SKI: variants seen among roughly 807,000 people sequenced by gnomAD.
SKI encodes ski oncogene.
A neutral mutation model predicts 59.3 loss-of-function variants in SKI; 23 were observed. The observed-to-expected ratio is 0.39, with a 90% CI of 0.28 to 0.55. The LOEUF is 0.55. Ranked by LOEUF, SKI falls within the 20% of genes least tolerant of loss-of-function variation. SKI has a pLI of 0.67. For synonymous variants in SKI, 673 were observed against 488.6 expected, an observed-to-expected ratio of 1.38 and a Z score of -4.98; for missense variants, 1,017 against 1,038.9, an observed-to-expected ratio of 0.98 and a Z score of 0.29.
intron 1 of SKI, among the ~76,000 whole-genome samples, chr1:2,284,451 C>G (rs774410881): frequency 6.6e-6 from 1 of 152,210 alleles, no homozygotes; most frequent in Non-Finnish European, 1.5e-5. Flanking sequence ...CCTAATTGGG[C>G]AACGGCAGCT....
rs1348805560 is a variant in SKI at position 2,267,184 on chromosome 1, C to G, written c.970-35794C>G. On this transcript the variant is annotated intron_variant, in intron 1 of 6. Transcript: ENST00000378536. This position sits in a 1 kb window ranked among gnomAD's most constrained non-coding sequence, Gnocchi z 4.1. ...GCAACTGCATCGAGCCAGCACTGAA[C>G]TGGTTTTGTAACAAGCTTGGTGTCC... 6.6e-6 allele frequency among the ~76,000 whole-genome samples: 1 copy of G among 152,206 alleles called. No homozygotes were observed. Among genetic ancestry groups the G allele is most frequent in the Non-Finnish European group, 1.5e-5 (1 of 68,036 alleles).
intron 4 of SKI, 81 bp downstream of exon 4, chr1:2,304,183 T>C (rs1205791851): frequency 6.3e-7 from 1 of 1,581,874 alleles, no homozygotes; most frequent in African/African-American, 1.4e-5. Flanking sequence ...TCGCCGGGGG[T>C]GCGTTGGTGG....
rs79186872 is a variant in SKI, at chr1:2,264,787, C to T, written c.969+35052C>T. Among the ~76,000 whole-genome samples, 464 of 152,044 alleles carry T rather than the reference C, an allele frequency of 3.1e-3. 2 individuals are homozygous for T. The highest frequency in any genetic ancestry group is 0.011 in the African/African-American group (443 of 41,478). On this transcript the variant is annotated intron_variant, in intron 1 of 6. Coordinates refer to ENST00000378536, the MANE Select transcript of SKI (RefSeq NM_003036.4). ...AGAGATCTGCTCATCCTCTTCTTGA[C>T]GGACATGCCTCTTCTTTTTTTCTTT...
rs548024321 is a variant in SKI at position 2,310,178 on chromosome 1, A to G, written c.*3413A>G. ...CTGTTAGTCCTTCCCCGACCCCGAA[A>G]CAGATGACATTGTACAATAAAGGAC... On this transcript the variant is annotated 3_prime_UTR_variant, in exon 7 of 7. Transcript: ENST00000378536. The G allele has an allele frequency of 6.6e-6, 1 of 152,142 alleles. No individual in the cohort carries two copies. The highest frequency in any genetic ancestry group is 1.9e-4 in the East Asian group (1 of 5,134). The allele number at this position is 152,142 out of a possible 1,614,324, so 9.4% of individuals were successfully genotyped here.
chr1:2,304,624 G>C, intron 5 of SKI, 39 bp downstream of exon 5: 3 of 1,520,620 alleles, frequency 2.0e-6, no homozygotes, highest in Non-Finnish European at 2.7e-6. Flanking sequence ...CCAGGGCACG[G>C]GCAGTGAGCA....
chr1:2,298,179 T>G (rs1411227024), intron 1 of SKI, among the ~76,000 whole-genome samples: 3 of 152,196 alleles, frequency 2.0e-5, no homozygotes, highest in African/African-American at 7.2e-5. Flanking sequence ...GGCCTCAATG[T>G]CTGTTTCAGC....
Position 2,306,472 on chromosome 1 carries a change from C to A in SKI, c.1999-105C>A, listed in dbSNP as rs1640583693. On this transcript the variant is annotated intron_variant, in intron 6 of 6. Coordinates refer to ENST00000378536, the MANE Select transcript of SKI (RefSeq NM_003036.4). ...GTGGAGGAGGGGCCGGCACGCGGCACTGGGGAGGGACAGGGAGCGGCGCAG... is the reference window on the plus strand; with the variant it reads ...GTGGAGGAGGGGCCGGCACGCGGCAATGGGGAGGGACAGGGAGCGGCGCAG... The A allele has an allele frequency of 2.4e-6, 3 of 1,247,764 alleles. No homozygotes were observed. In the Admixed American group the frequency reaches 6.7e-5, roughly 28 times the overall value. The allele number at this position is 1,247,764 out of a possible 1,614,324, so 77.3% of individuals were successfully genotyped here. A position where few individuals can be genotyped will look rare whatever the true frequency, so the allele number is the denominator to read the frequency against.
At position 2,229,340 on chromosome 1, in the gene SKI, G is replaced by C; in HGVS notation, c.574G>C (p.Gly192Arg). 2 of 1,595,632 alleles carry C rather than the reference G, an allele frequency of 1.3e-6. No individual in the cohort carries two copies. The highest frequency in any genetic ancestry group is 1.7e-6 in the Non-Finnish European group (2 of 1,171,648). The change falls in exon 1 of 7, where the codon GGC (glycine) becomes CGC (arginine). Residue 192 changes from glycine to arginine, a missense_variant. By Grantham distance (125) the Gly-to-Arg change is moderately radical. Transcript: ENST00000378536. The surrounding 1 kb of genome is among the most constrained non-coding windows in gnomAD (Gnocchi z 6.3). ...AERLCNALLY[G>R]GAYPPPCKKE... ...GCGCCTGTGCAACGCGCTGCTCTAC[G>C]GCGGCGCCTACCCGCCGCCCTGCAA...
At chr1:2,241,348 T>C (rs1255773295) in intron 1 of SKI, among the ~76,000 whole-genome samples, 1 of 152,138 alleles carries the variant, frequency 6.6e-6, no homozygotes, top group African/African-American at 2.4e-5. Context: ...AGCTCACTCA[T>C]TTTGTTTCAT....
intron 1 of SKI, among the ~76,000 whole-genome samples, chr1:2,266,384 C>A (rs538509562): frequency 2.6e-5 from 4 of 152,304 alleles, no homozygotes; most frequent in South Asian, 2.1e-4. Flanking sequence ...CTGCTCCGTC[C>A]TGTGAATTCC....
Position 2,245,286 on chromosome 1 carries a change from CG to C in SKI, c.969+15552del, listed in dbSNP as rs1430284568. 5.9e-5 allele frequency among the ~76,000 whole-genome samples: 9 copies of C among 152,194 alleles called. No homozygotes were observed. In the Middle Eastern group the frequency reaches 0.01, roughly 173 times the overall value. ...GTCTCCTTCCTTCTCAAGACTGAAC[CG>C]CAGGCTGCTGTATGGATGTATTTTG... is the stretch of plus-strand genomic sequence containing the variant. On this transcript the variant is annotated intron_variant, in intron 1 of 6. Transcript: ENST00000378536.
At chr1:2,285,870 G>GT (rs77227502) in intron 1 of SKI, among the ~76,000 whole-genome samples, 3,153 of 102,728 alleles carry the variant, frequency 0.031, 91 homozygotes, top group African/African-American at 0.069. Context: ...CAGCCAGAAG[G>GT]TTTTTTTTTT....
Position 2,269,811 on chromosome 1 carries a change from T to C in SKI, c.970-33167T>C, listed in dbSNP as rs1639577226. 6.7e-6 allele frequency among the ~76,000 whole-genome samples: 1 copy of C among 149,796 alleles called. No individual in the cohort carries two copies. The highest frequency in any genetic ancestry group is 1.5e-5 in the Non-Finnish European group (1 of 67,266). ...CTGTGGCTGGCGTGGGTCTGGCGGGTCTGGTGGTGCCTGTGGCTGGCGTGG... is the reference window on the plus strand; with the variant it reads ...CTGTGGCTGGCGTGGGTCTGGCGGGCCTGGTGGTGCCTGTGGCTGGCGTGG... On this transcript the variant is annotated intron_variant, in intron 1 of 6. Transcript: ENST00000378536. The surrounding 1 kb of genome is among the most constrained non-coding windows in gnomAD (Gnocchi z 4.7).
At chr1:2,298,048 AT>A (rs1203626912) in intron 1 of SKI, among the ~76,000 whole-genome samples, 14 of 152,158 alleles carry the variant, frequency 9.2e-5, no homozygotes, top group African/African-American at 3.4e-4. Flanking sequence ...CCGAGCATCC[AT>A]GCAGGTGTGG....
chr1:2,286,779 A>G (rs1362091642), intron 1 of SKI, among the ~76,000 whole-genome samples: 1 of 152,084 alleles, frequency 6.6e-6, no homozygotes, highest in Non-Finnish European at 1.5e-5. Context: ...CTAGTGGGAG[A>G]AAGTGACTGG....
intron 1 of SKI, among the ~76,000 whole-genome samples, chr1:2,301,608 C>T (rs182560270): frequency 7.9e-5 from 12 of 152,322 alleles, no homozygotes; most frequent in African/African-American, 2.9e-4. Context: ...GACAGCCTGC[C>T]CTGCGCCCCA....
chr1:2,306,374 G>A, intron 6 of SKI, 124 bp downstream of exon 6: 10 of 1,063,360 alleles, frequency 9.4e-6, no homozygotes, highest in Admixed American at 5.3e-5. Flanking sequence ...ACCACGTTCC[G>A]TGCGTGCCCC....
Position 2,229,078 on chromosome 1 carries a change from A to G in SKI, c.312A>G (p.Val104=), listed in dbSNP as rs368195821. 1.2e-6 allele frequency: 2 copies of G among 1,608,208 alleles called. No individual in the cohort carries two copies. The highest frequency in any genetic ancestry group is 4.5e-5 in the East Asian group (2 of 44,812). Reference sequence around the variant, plus strand: ...GCTCCACCGAGCGCTGCGAGACCGTACTGGAAGGCGAGACCATCTCGTGCT... The same window carrying G: ...GCTCCACCGAGCGCTGCGAGACCGTGCTGGAAGGCGAGACCATCTCGTGCT... ...SDRSTERCET[V]LEGETISCFV... The change falls in exon 1 of 7, where the codon GTA becomes GTG. Residue 104 remains valine (V), a synonymous_variant. Coordinates refer to ENST00000378536, the MANE Select transcript of SKI (RefSeq NM_003036.4). The surrounding 1 kb of genome is among the most constrained non-coding windows in gnomAD (Gnocchi z 6.3).
chr1:2,277,773 G>A (rs956662007), intron 1 of SKI, among the ~76,000 whole-genome samples: 1 of 146,312 alleles, frequency 6.8e-6, no homozygotes, highest in African/African-American at 2.6e-5. Context: ...ATGGGCACAC[G>A]TGCACACACG....
Sources: gnomAD v4.1 joint callset for allele counts (sites outside exome capture counted in the v4.1 genomes callset) on GRCh38, gnomAD v4.1.1 for gene constraint, Gnocchi (gnomAD v3.1) non-coding constraint, MANE v1.5 for transcripts, NCBI Gene and HGNC (gene_info 2026-07-23, HGNC 2026-07-21) for gene names.